PTAFR: variants seen among roughly 807,000 people sequenced by gnomAD.
PTAFR encodes the protein platelet activating factor receptor, also known as platelet-activating factor receptor.
A neutral mutation model predicts 14.7 loss-of-function variants in PTAFR; 8 were observed. That is an observed-to-expected ratio of 0.54 (90% CI 0.32 to 0.98). The LOEUF (loss-of-function observed/expected upper bound fraction) is 0.98, where lower values mean the gene tolerates loss of function less well. PTAFR is among the 50% of genes least tolerant of loss of function. The probability of loss-of-function intolerance (pLI) is 0.04; values close to 1 mark genes in which losing one functional copy is unlikely to be tolerated. For missense variants in PTAFR, 337 were observed against 451.2 expected, an observed-to-expected ratio of 0.75 and a Z score of 2.29; for synonymous variants, 156 against 176.5, an observed-to-expected ratio of 0.88 and a Z score of 0.92.
At chr1:28,189,264 G>C (rs1314609577) in intron 1 of PTAFR, among the ~76,000 whole-genome samples, 1 of 151,732 alleles carries the variant, frequency 6.6e-6, no homozygotes. Flanking sequence ...TGATTCTTCA[G>C]TGCGATCCTG....
chr1:28,193,002 C>T (rs544921229), intron 1 of PTAFR, among the ~76,000 whole-genome samples: 1 of 152,292 alleles, frequency 6.6e-6, no homozygotes, highest in African/African-American at 2.4e-5. Flanking sequence ...GCTGGGACCC[C>T]CGGCTCAGCT....
At chr1:28,152,655 A>G (rs1230005282) in intron 1 of PTAFR, among the ~76,000 whole-genome samples, 1 of 152,166 alleles carries the variant, frequency 6.6e-6, no homozygotes, top group Non-Finnish European at 1.5e-5. Flanking sequence ...AGGCAGGAGA[A>G]TCACTTGAAC....
chr1:28,183,416 G>A (rs537335330), intron 1 of PTAFR, among the ~76,000 whole-genome samples: 2 of 152,266 alleles, frequency 1.3e-5, no homozygotes, highest in East Asian at 3.9e-4. Flanking sequence ...AATATTATAA[G>A]TAAGGCTGGG....
In PTAFR at chr1:28,150,017, G is replaced by A. The variant is rs759021751; in HGVS notation, c.1005C>T (p.Ile335=). The A allele has an allele frequency of 6.2e-7, 1 of 1,613,466 alleles. No individual in the cohort carries two copies. The highest frequency in any genetic ancestry group is 8.5e-7 in the Non-Finnish European group (1 of 1,179,528). ...ACTAATTTTTGAGGGAATTGCCAGG[G>A]ATCTGGTTGAATGGCACAACCACTT... ...VTEVVVPFNQ[I]PGNSLKN is the part of the protein sequence containing the mutation. The change falls in exon 2 of 2, where the codon ATC becomes ATT. Residue 335 remains isoleucine (I), a synonymous_variant. Transcript: ENST00000373857. This position sits in a 1 kb window ranked among gnomAD's most constrained non-coding sequence, Gnocchi z 6.3.
rs1050708857 is a variant in PTAFR, at chr1:28,191,776, AAAG to A, written c.-39+1943_-39+1945del. ...TCTTTTTTTTTTTTAATTAAAAAAA[AAAG>A]AGGCCAGGTGTGGTAGCTCATGCCT... On this transcript the variant is annotated intron_variant, in intron 1 of 1. Coordinates refer to the PTAFR transcript ENST00000305392. Among the ~76,000 whole-genome samples, 46 of 152,118 alleles carry A rather than the reference AAAG, an allele frequency of 3.0e-4. No individual in the cohort carries two copies. In the Middle Eastern group the frequency reaches 0.01, roughly 34 times the overall value.
Position 28,157,443 on chromosome 1 carries a change from G to A in PTAFR, c.-38-6384C>T, listed in dbSNP as rs143619539. On this transcript the variant is annotated intron_variant, in intron 1 of 1. Coordinates refer to ENST00000373857, the MANE Select transcript of PTAFR (RefSeq NM_000952.5). ...CGGCCTCCTAAAGTGCTGGGATTAC[G>A]GGTGTGAGCCACTGTGCCTGGCCAA... Among the ~76,000 whole-genome samples the A allele has an allele frequency of 4.5e-3, 675 of 150,236 alleles. 6 individuals are homozygous for A. Among genetic ancestry groups the A allele is most frequent in the African/African-American group, 0.016 (649 of 40,880 alleles).
rs1327436631 is a variant in PTAFR, at chr1:28,148,569, GCCT to G, written c.*1421_*1423del. The stretch of plus-strand genomic sequence containing the variant: ...GTGATCTCGGCTCACTGCAAGCTCC[GCCT>G]CCTCCCAGTAGCTACAGCCTATGGG... On this transcript the variant is annotated 3_prime_UTR_variant, in exon 2 of 2. Transcript: ENST00000373857. 1.3e-5 allele frequency: 2 copies of G among 152,294 alleles called. No individual in the cohort carries two copies. Among genetic ancestry groups the G allele is most frequent in the African/African-American group, 4.8e-5 (2 of 41,414 alleles). The allele number at this position is 152,294 out of a possible 1,614,324, so 9.4% of individuals were successfully genotyped here. A position where few individuals can be genotyped will look rare whatever the true frequency, so the allele number is the denominator to read the frequency against.
chr1:28,168,236 G>A (rs1646413243), intron 1 of PTAFR, among the ~76,000 whole-genome samples: 1 of 151,662 alleles, frequency 6.6e-6, no homozygotes, highest in Non-Finnish European at 1.5e-5. Context: ...CACCCAAAGT[G>A]CTGGGATTAC....
In PTAFR at chr1:28,150,499, C is replaced by G. The variant is rs777431528; in HGVS notation, c.523G>C (p.Glu175Gln). 6.2e-7 allele frequency: 1 copy of G among 1,614,162 alleles called. No homozygotes were observed. The highest frequency in any genetic ancestry group is 8.5e-7 in the Non-Finnish European group (1 of 1,180,026). ...AGSGNVTRCF[E>Q]HYEKGSVPVL... ...GGCACGCTGCCCTTCTCGTAATGCTCAAAGCAGCGAGTGACGTTGCCTGAG... is the reference window on the plus strand; with the variant it reads ...GGCACGCTGCCCTTCTCGTAATGCTGAAAGCAGCGAGTGACGTTGCCTGAG... The change falls in exon 2 of 2, where the codon GAG becomes CAG. Residue 175 changes from glutamate to glutamine, a missense_variant. Physicochemically the swap from Glu to Gln is conservative, Grantham distance 29. Coordinates refer to ENST00000373857, the MANE Select transcript of PTAFR (RefSeq NM_000952.5). The surrounding 1 kb of genome is among the most constrained non-coding windows in gnomAD (Gnocchi z 6.3).
At chr1:28,188,683 T>A (rs1446547039) in intron 1 of PTAFR, among the ~76,000 whole-genome samples, 1 of 151,614 alleles carries the variant, frequency 6.6e-6, no homozygotes, top group East Asian at 1.9e-4. Flanking sequence ...ACCCGGGAGA[T>A]CGCACCACTG....
At chr1:28,178,873 C>G (rs541423595), upstream of PTAFR, among the ~76,000 whole-genome samples, 2 of 152,200 alleles carry the variant, frequency 1.3e-5, no homozygotes, top group South Asian at 2.1e-4. Flanking sequence ...TCCCCATGTC[C>G]TGCCAGGGAC....
upstream of PTAFR, among the ~76,000 whole-genome samples, chr1:28,177,577 C>T (rs530517595): frequency 2.0e-5 from 3 of 152,234 alleles, no homozygotes; most frequent in South Asian, 4.1e-4. Flanking sequence ...TTTGTTCATG[C>T]GGTTGATTTC....
At chr1:28,189,231 A>C (rs1646631084) in intron 1 of PTAFR, among the ~76,000 whole-genome samples, 1 of 152,024 alleles carries the variant, frequency 6.6e-6, no homozygotes, top group South Asian at 2.1e-4. Context: ...TTAAACACAG[A>C]AATAAGGAAA....
Position 28,149,995 on chromosome 1 carries a change from A to G in PTAFR, c.1027T>C (p.Ter343GlnextTer12). 2 of 1,610,360 alleles carry G rather than the reference A, an allele frequency of 1.2e-6. No individual in the cohort carries two copies. Among genetic ancestry groups the G allele is most frequent in the East Asian group, 2.2e-5 (1 of 44,862 alleles). The change falls in exon 2 of 2, where the codon TAG becomes CAG. Residue 343 changes from the stop codon to glutamine, a stop_lost. Coordinates refer to ENST00000373857, the MANE Select transcript of PTAFR (RefSeq NM_000952.5). ...GACTTCAGGCCTGGAAGCAGGGACT[A>G]ATTTTTGAGGGAATTGCCAGGGATC... ...NQIPGNSLKN[*>Q] is the part of the protein sequence containing the mutation.
At chr1:28,159,614 G>T (rs997298866) in intron 1 of PTAFR, among the ~76,000 whole-genome samples, 19 of 151,900 alleles carry the variant, frequency 1.3e-4, no homozygotes, top group African/African-American at 4.6e-4. Context: ...GAGGCAGGAC[G>T]ATCACTCGAG....
At chr1:28,189,050 A>G (rs1269401120) in intron 1 of PTAFR, among the ~76,000 whole-genome samples, 1 of 152,280 alleles carries the variant, frequency 6.6e-6, no homozygotes, top group Non-Finnish European at 1.5e-5. Flanking sequence ...GGAAACTCTC[A>G]TTACCCTGCC....
chr1:28,186,715 G>A (rs974128603), intron 1 of PTAFR, among the ~76,000 whole-genome samples: 18 of 152,052 alleles, frequency 1.2e-4, no homozygotes, highest in Non-Finnish European at 2.4e-4. Flanking sequence ...GCCTGAGGTC[G>A]GGAGTTCAAG....
intron 1 of PTAFR, among the ~76,000 whole-genome samples, chr1:28,165,085 C>CA (rs769996259): frequency 7.9e-5 from 12 of 151,594 alleles, no homozygotes; most frequent in Middle Eastern, 3.4e-3. Flanking sequence ...CAACAGTATT[C>CA]AAAAAAAATA....
upstream of PTAFR, chr1:28,176,960 GGAGGA>G (rs1382358626): frequency 6.6e-6 from 1 of 152,560 alleles, no homozygotes; most frequent in Non-Finnish European, 1.5e-5. Flanking sequence ...GAAAGAGGAG[GGAGGA>G]GAGATGAGGG....
Sources: allele counts gnomAD v4.1 joint callset (sites outside exome capture counted in the v4.1 genomes callset), GRCh38; gene constraint gnomAD v4.1.1; non-coding constraint Gnocchi (gnomAD v3.1); transcripts MANE v1.5; gene names NCBI Gene and HGNC (gene_info 2026-07-23, HGNC 2026-07-21).